GLB1: variants seen among roughly 807,000 people sequenced by gnomAD.
GLB1 encodes the protein galactosidase beta 1, also known as beta-galactosidase.
GLB1 carries 56 observed loss-of-function variants against 74.0 expected under a neutral mutation model. The ratio of observed to expected loss-of-function variants is 0.76; its 90% CI spans 0.61 to 0.94. The LOEUF is 0.94. Ranked by LOEUF, GLB1 falls within the 40% of genes least tolerant of loss-of-function variation. The pLI is 0.00. For missense variants in GLB1, 787 were observed against 845.5 expected, an observed-to-expected ratio of 0.93 and a Z score of 0.86; for synonymous variants, 323 against 323.6, an observed-to-expected ratio of 1.00 and a Z score of 0.02.
chr3:33,058,375 G>A (rs1035517836), intron 5 of GLB1, 106 bp from the exon 6 acceptor site: 2 of 1,513,074 alleles, frequency 1.3e-6, no homozygotes. Context: ...AGATGACAAG[G>A]CTTAATGACT....
chr3:33,008,177 G>C (rs1023152229), intron 15 of GLB1, among the ~76,000 whole-genome samples: 2 of 152,146 alleles, frequency 1.3e-5, no homozygotes, highest in Non-Finnish European at 2.9e-5. Context: ...TACTGCATTA[G>C]GAGGGGAGAA....
chr3:33,009,152 AAT>A lies in GLB1; in HGVS notation c.1734+4902_1734+4903del, dbSNP rs1339434707. 1.4e-4 allele frequency among the ~76,000 whole-genome samples: 18 copies of A among 132,466 alleles called. No individual in the cohort carries two copies. In the East Asian group the frequency reaches 5.4e-3, roughly 40 times the overall value. The allele number at this position is 132,466 out of a possible 152,430, so 86.9% of individuals were successfully genotyped here. The stretch of plus-strand genomic sequence containing the variant: ...AAATAAATAAATAAATAAATAAATA[AAT>A]AAAAAAGATTGTGGTAAGGCCTAGG... On this transcript the variant is annotated intron_variant, in intron 15 of 15. Transcript: ENST00000307363.
intron 1 of GLB1, among the ~76,000 whole-genome samples, chr3:33,094,581 A>C (rs1433679176): frequency 2.0e-5 from 3 of 152,234 alleles, no homozygotes; most frequent in Non-Finnish European, 2.9e-5. Context: ...AGCGGTATTC[A>C]AAGTGTGGTC....
intron 1 of GLB1, among the ~76,000 whole-genome samples, chr3:33,075,296 A>T (rs987518327): frequency 1.2e-4 from 18 of 152,310 alleles, no homozygotes; most frequent in African/African-American, 4.3e-4. Flanking sequence ...AATTCGGAAA[A>T]GGGTAGAGCT....
At chr3:33,086,614 C>T (rs964057244) in intron 1 of GLB1, among the ~76,000 whole-genome samples, 3 of 152,088 alleles carry the variant, frequency 2.0e-5, no homozygotes, top group East Asian at 1.9e-4. Flanking sequence ...ACCCAAAAAG[C>T]GAAAAAGTTG....
chr3:32,982,973 G>A, the GLB1 span, among the ~76,000 whole-genome samples: 1 of 152,054 alleles, frequency 6.6e-6, no homozygotes, highest in African/African-American at 2.4e-5. Context: ...AATCCTCTTT[G>A]AGTCTACTGC....
At chr3:33,021,480 G>T in intron 12 of GLB1, 86 bp downstream of exon 12, 1 of 1,454,232 alleles carries the variant, frequency 6.9e-7, no homozygotes, top group South Asian at 1.2e-5. Flanking sequence ...TTTGGCCCCT[G>T]AATTCAGAAT....
At chr3:33,017,193 C>CA (rs1306355456) in intron 13 of GLB1, among the ~76,000 whole-genome samples, 1 of 152,104 alleles carries the variant, frequency 6.6e-6, no homozygotes, top group African/African-American at 2.4e-5. Context: ...AAGTCACTCA[C>CA]AAAAAATTGC....
chr3:33,071,247 G>A (rs1699876728), intron 2 of GLB1, among the ~76,000 whole-genome samples: 1 of 152,186 alleles, frequency 6.6e-6, no homozygotes, highest in Non-Finnish European at 1.5e-5. Flanking sequence ...TTATAAACAG[G>A]TGAACTTGGG....
intron 10 of GLB1, among the ~76,000 whole-genome samples, chr3:33,041,917 C>T (rs1380865838): frequency 6.6e-6 from 1 of 152,082 alleles, no homozygotes; most frequent in Non-Finnish European, 1.5e-5. Flanking sequence ...ATATACTAGA[C>T]AAGTCTAACT....
intron 1 of GLB1, among the ~76,000 whole-genome samples, chr3:33,074,389 G>A (rs9849898): frequency 0.32 from 12,306 of 38,734 alleles, 4,288 homozygotes; most frequent in African/African-American, 0.47. Flanking sequence ...AGGAAGGAAG[G>A]AAGAAAGAAA....
intron 15 of GLB1, among the ~76,000 whole-genome samples, chr3:33,009,537 A>C (rs9879174): frequency 0.016 from 2,454 of 152,194 alleles, 68 homozygotes; most frequent in East Asian, 0.078. Flanking sequence ...ATAAAAAAAA[A>C]GATTTAAGAG....
At chr3:33,026,939 C>T (rs559208001) in intron 10 of GLB1, among the ~76,000 whole-genome samples, 6 of 152,334 alleles carry the variant, frequency 3.9e-5, no homozygotes, top group Non-Finnish European at 8.8e-5. Flanking sequence ...CTGTATACCT[C>T]ATTCTTCCTG....
intron 15 of GLB1, among the ~76,000 whole-genome samples, chr3:33,008,138 A>G (rs1203828490): frequency 6.6e-6 from 1 of 152,180 alleles, no homozygotes. Context: ...TCTGACCTCC[A>G]ACACATCCCA....
At chr3:33,067,168 A>G (rs575410643) in intron 4 of GLB1, among the ~76,000 whole-genome samples, 1 of 151,872 alleles carries the variant, frequency 6.6e-6, no homozygotes, top group Non-Finnish European at 1.5e-5. Context: ...ACACCCAGCT[A>G]ATTTTGTATT....
chr3:32,993,568 C>T (rs144955563), downstream of GLB1, among the ~76,000 whole-genome samples: 26 of 116,476 alleles, frequency 2.2e-4, no homozygotes, highest in East Asian at 5.9e-3. Context: ...GTGTCTCACT[C>T]TTGTCACCCG....
At chr3:33,023,833 A>T (rs774579861) in intron 11 of GLB1, among the ~76,000 whole-genome samples, 9 of 152,226 alleles carry the variant, frequency 5.9e-5, no homozygotes, top group Non-Finnish European at 1.3e-4. Flanking sequence ...GTAAGTATAT[A>T]ATTTAGGGCA....
Position 33,009,158 on chromosome 3 carries a change from A to AAATAAAT in GLB1, c.1734+4897_1734+4898insATTTATT, listed in dbSNP as rs1559379929. On this transcript the variant is annotated intron_variant, in intron 15 of 15. Coordinates refer to ENST00000307363, the MANE Select transcript of GLB1 (RefSeq NM_000404.4). Reference sequence around the variant, plus strand: ...ATAAATAAATAAATAAATAAATAAAAAAGATTGTGGTAAGGCCTAGGCTTG... The same window carrying AAATAAAT: ...ATAAATAAATAAATAAATAAATAAAAAATAAATAAGATTGTGGTAAGGCCTAGGCTTG... 3.3e-5 allele frequency among the ~76,000 whole-genome samples: 3 copies of AAATAAAT among 92,238 alleles called. No individual in the cohort carries two copies. The South Asian group carries it at 1.1e-3, about 34-fold the overall frequency. The allele number at this position is 92,238 out of a possible 152,430, so 60.5% of individuals were successfully genotyped here.
At chr3:33,048,279 T>C (rs754606591) in intron 9 of GLB1, among the ~76,000 whole-genome samples, 2 of 152,134 alleles carry the variant, frequency 1.3e-5, no homozygotes, top group African/African-American at 2.4e-5. Context: ...TTTGTTCTAG[T>C]TCTACTGGCA....
Sources: allele counts gnomAD v4.1 joint callset (sites outside exome capture counted in the v4.1 genomes callset), GRCh38; gene constraint gnomAD v4.1.1; transcripts MANE v1.5; gene names NCBI Gene and HGNC (gene_info 2026-07-23, HGNC 2026-07-21).